Variants in AGBL1 observed in about 807,000 individuals in gnomAD.
AGBL1 encodes the protein cytosolic carboxypeptidase 4.
AGBL1 carries 130 observed loss-of-function variants against 118.9 expected under a neutral mutation model. The observed-to-expected ratio is 1.09, with a 90% CI of 0.95 to 1.26. The LOEUF (loss-of-function observed/expected upper bound fraction) is 1.26, where lower values mean the gene tolerates loss of function less well. Ranked by LOEUF, AGBL1 falls within the 50% of genes most tolerant of loss-of-function variation. AGBL1 has a pLI of 0.00. For missense variants in AGBL1, 1,584 were observed against 1,298.1 expected (o/e 1.22, Z -3.38); for synonymous variants, 555 against 478.9 (o/e 1.16, Z -2.08).
At chr15:86,438,430 A>T (rs1596115415) in intron 18 of AGBL1, among the ~76,000 whole-genome samples, 1 of 152,162 alleles carries the variant, frequency 6.6e-6, no homozygotes, top group Non-Finnish European at 1.5e-5. Context: ...CCTTAAAATA[A>T]CATTCGCTTT....
chr15:86,366,765 G>T (rs2080893393), intron 17 of AGBL1, among the ~76,000 whole-genome samples: 1 of 152,166 alleles, frequency 6.6e-6, no homozygotes. Flanking sequence ...CTGCCTCAGA[G>T]GTGCAGTCTC....
intron 22 of AGBL1, among the ~76,000 whole-genome samples, chr15:86,793,209 T>C (rs929703814): frequency 1.3e-5 from 2 of 152,176 alleles, no homozygotes; most frequent in African/African-American, 4.8e-5. Context: ...ACACATACTT[T>C]AGATATGAGA....
rs1289597437 is a variant in AGBL1, at chr15:86,869,061, C to G, written c.3159-38026C>G. Among the ~76,000 whole-genome samples the G allele has an allele frequency of 2.0e-5, 3 of 152,212 alleles. No homozygotes were observed. The East Asian group carries it at 5.8e-4, about 29-fold the overall frequency. On this transcript the variant is annotated intron_variant, in intron 22 of 22. Transcript: ENST00000614907. ...TTTAGGGCATTTATATACTAGCTGT[C>G]AACTGCCTTGGTGGCAGGGTGATAA...
At chr15:86,105,851 T>C (rs767802652) in intron 1 of AGBL1, among the ~76,000 whole-genome samples, 1 of 152,358 alleles carries the variant, frequency 6.6e-6, no homozygotes, top group East Asian at 1.9e-4. Flanking sequence ...TTTAACAAGG[T>C]CTGTGAAACT....
chr15:86,237,047 C>G (rs1055943978), intron 6 of AGBL1, among the ~76,000 whole-genome samples: 3 of 150,014 alleles, frequency 2.0e-5, no homozygotes, highest in Non-Finnish European at 4.4e-5. Context: ...TTTAATGGCC[C>G]ACATTTGCAT....
At chr15:86,722,212 C>G (rs1416268070) in intron 22 of AGBL1, among the ~76,000 whole-genome samples, 1 of 152,134 alleles carries the variant, frequency 6.6e-6, no homozygotes, top group African/African-American at 2.4e-5. Flanking sequence ...AATCCTAAGC[C>G]AAAAGAACGA....
rs967027869 is a variant in AGBL1, at chr15:86,915,499, A to G, written c.*8205A>G. On this transcript the variant is annotated 3_prime_UTR_variant, in exon 23 of 23. Transcript: ENST00000614907. ...TTCTTCCATCCATGTGCCTAGATCT[A>G]TCCATTATGTGCTTAAATGTAGGCT... 6.6e-6 allele frequency: 1 copy of G among 152,026 alleles called. No homozygotes were observed. Among genetic ancestry groups the G allele is most frequent in the Non-Finnish European group, 1.5e-5 (1 of 68,034 alleles). The allele number at this position is 152,026 out of a possible 1,614,324, so 9.4% of individuals were successfully genotyped here.
chr15:86,420,366 G>A (rs143434790), intron 18 of AGBL1, among the ~76,000 whole-genome samples: 5 of 152,306 alleles, frequency 3.3e-5, no homozygotes, highest in Middle Eastern at 3.4e-3. Flanking sequence ...CAGACCTGCA[G>A]CAGAGGGGCC....
At chr15:86,290,873 A>G (rs933739958) in intron 16 of AGBL1, among the ~76,000 whole-genome samples, 3 of 150,708 alleles carry the variant, frequency 2.0e-5, no homozygotes, top group Non-Finnish European at 4.4e-5. Flanking sequence ...CTAGAGTGTG[A>G]TGTTCCCCTT....
At chr15:86,605,987 C>T (rs1280074041) in intron 21 of AGBL1, among the ~76,000 whole-genome samples, 3 of 151,794 alleles carry the variant, frequency 2.0e-5, no homozygotes, top group East Asian at 1.9e-4. Flanking sequence ...ATTAGCCTGG[C>T]GTGGTGGCAG....
At chr15:86,950,767 G>A (rs754890281) in intron 23 of AGBL1, among the ~76,000 whole-genome samples, 1 of 151,822 alleles carries the variant, frequency 6.6e-6, no homozygotes, top group Non-Finnish European at 1.5e-5. Flanking sequence ...CAACAGATTT[G>A]AAAAGGCAAC....
intron 22 of AGBL1, among the ~76,000 whole-genome samples, chr15:86,817,293 GA>G (rs71144068): frequency 0.024 from 3,101 of 127,562 alleles, 100 homozygotes; most frequent in African/African-American, 0.078. Flanking sequence ...ACTCCATCTG[GA>G]AAAAAAAAAA....
intron 18 of AGBL1, among the ~76,000 whole-genome samples, chr15:86,435,011 C>A (rs555943332): frequency 1.3e-5 from 2 of 152,080 alleles, no homozygotes; most frequent in East Asian, 1.9e-4. Context: ...TGAATATATA[C>A]GCTGAAAGAT....
chr15:86,224,798 A>AC, intron 5 of AGBL1, 116 bp from the exon 6 acceptor site: 1 of 921,444 alleles, frequency 1.1e-6, no homozygotes, highest in Admixed American at 2.0e-5. Context: ...ATTGCCTGCT[A>AC]CCTGGTTAAT....
In AGBL1 at chr15:86,264,712, A is replaced by G; in HGVS notation, c.1541A>G (p.Tyr514Cys). Residue 514 changes from tyrosine to cysteine, a missense_variant, in exon 11 of 23, where the codon TAT (tyrosine) becomes TGT (cysteine). By Grantham distance (194) the Tyr-to-Cys change is radical (BLOSUM62 -2). Transcript: ENST00000614907. ...GTCCCTTTCCACGATCCCTATCTTTATATGGCCAAAGCCAGAAGAACCAGC... is the reference window on the plus strand; with the variant it reads ...GTCCCTTTCCACGATCCCTATCTTTGTATGGCCAAAGCCAGAAGAACCAGC... ...KRVPFHDPYL[Y>C]MAKARRTSSV... 5 of 1,614,026 alleles carry G rather than the reference A, an allele frequency of 3.1e-6. No individual in the cohort carries two copies. The highest frequency in any genetic ancestry group is 3.4e-6 in the Non-Finnish European group (4 of 1,179,902).
chr15:86,565,556 C>A (rs1037847110), intron 21 of AGBL1, among the ~76,000 whole-genome samples: 1 of 152,202 alleles, frequency 6.6e-6, no homozygotes, highest in African/African-American at 2.4e-5. Context: ...GGGGTGCCTC[C>A]CAGTTAGGCT....
At chr15:86,506,568 C>T (rs1279486527) in intron 18 of AGBL1, among the ~76,000 whole-genome samples, 2 of 152,098 alleles carry the variant, frequency 1.3e-5, no homozygotes, top group African/African-American at 2.4e-5. Flanking sequence ...AACAAAACAA[C>T]CTTAATTGAA....
rs61998175 is a variant in AGBL1, at chr15:86,397,376, A to G, written c.2385A>G (p.Pro795=). The change falls in exon 18 of 23, where the codon CCA becomes CCG. Residue 795 remains proline, a synonymous_variant. Transcript: ENST00000614907. Reference sequence around the variant, plus strand: ...TCCCTTTTTCTGCAGGACATCGTCCATATCAGGTGATCACTGCTCGAGTTC... The same window carrying G: ...TCCCTTTTTCTGCAGGACATCGTCCGTATCAGGTGATCACTGCTCGAGTTC... ...DEHLEQFRHR[P]YQVITARVHP... is the part of the protein sequence containing the mutation. 0.016 allele frequency: 26,133 copies of G among 1,594,182 alleles called. 292 individuals are homozygous for G. The highest frequency in any genetic ancestry group is 0.049 in the Middle Eastern group (293 of 5,956).
chr15:86,708,387 G>T (rs748491485), intron 22 of AGBL1, among the ~76,000 whole-genome samples: 1 of 152,058 alleles, frequency 6.6e-6, no homozygotes, highest in Non-Finnish European at 1.5e-5. Flanking sequence ...CAGTGAGAAG[G>T]TGGCCATCTG....
Sources: allele counts gnomAD v4.1 joint callset (sites outside exome capture counted in the v4.1 genomes callset), GRCh38; gene constraint gnomAD v4.1.1; transcripts MANE v1.5; gene names NCBI Gene and HGNC (gene_info 2026-07-23, HGNC 2026-07-21).